Variants in THSD4 observed in about 807,000 individuals in gnomAD.
The protein encoded by THSD4 is thrombospondin type 1 domain containing 4.
Under a neutral mutation model 119.0 loss-of-function variants are expected in THSD4, and 69 were observed. The ratio of observed to expected loss-of-function variants is 0.58; its 90% confidence interval spans 0.48 to 0.71. The LOEUF (loss-of-function observed/expected upper bound fraction) is 0.71, where lower values mean the gene tolerates loss of function less well. THSD4 is among the 30% of genes least tolerant of loss of function. The pLI is 0.00. For synonymous variants in THSD4, 524 were observed against 540.4 expected, an observed-to-expected ratio of 0.97 and a Z score of 0.42; for missense variants, 1,393 against 1,391.1, an observed-to-expected ratio of 1.00 and a Z score of -0.02.
intron 5 of THSD4, among the ~76,000 whole-genome samples, chr15:71,250,683 T>G (rs973794403): frequency 3.3e-5 from 5 of 152,150 alleles, no homozygotes; most frequent in African/African-American, 1.2e-4. Context: ...AAAGAATTCT[T>G]TTTTAGATCT....
At chr15:71,356,487 C>A (rs976785235) in intron 6 of THSD4, among the ~76,000 whole-genome samples, 44 of 152,030 alleles carry the variant, frequency 2.9e-4, no homozygotes, top group African/African-American at 9.9e-4. Flanking sequence ...TGCTGTATCC[C>A]CAGAGTCTAG....
intron 7 of THSD4, among the ~76,000 whole-genome samples, chr15:71,555,960 C>CAT (rs995082709): frequency 6.6e-6 from 1 of 151,932 alleles, no homozygotes; most frequent in African/African-American, 2.4e-5. Context: ...ACCAAGTTTC[C>CAT]ATATATATGT....
chr15:71,728,862 C>A, intron 9 of THSD4, 138 bp downstream of exon 9: 1 of 1,122,338 alleles, frequency 8.9e-7, no homozygotes, highest in Non-Finnish European at 1.3e-6. Flanking sequence ...TGGAGGCACT[C>A]CTTGAATGCT....
At chr15:71,247,379 T>C (rs1001679520) in intron 5 of THSD4, among the ~76,000 whole-genome samples, 10 of 152,186 alleles carry the variant, frequency 6.6e-5, no homozygotes, top group Non-Finnish European at 1.3e-4. Flanking sequence ...TAGGCTGTGG[T>C]TGGAGACACT....
At chr15:71,607,082 A>G (rs1477406265) in intron 7 of THSD4, among the ~76,000 whole-genome samples, 1 of 152,186 alleles carries the variant, frequency 6.6e-6, no homozygotes, top group Non-Finnish European at 1.5e-5. Context: ...TGAAGGAGAT[A>G]CAAATGGAGA....
intron 2 of THSD4, among the ~76,000 whole-genome samples, chr15:71,151,915 C>A (rs1335542075): frequency 1.3e-5 from 2 of 152,108 alleles, no homozygotes; most frequent in East Asian, 3.9e-4. Flanking sequence ...CATTAGCTTC[C>A]TGTGTCTTGA....
chr15:71,268,722 G>T (rs549956410), intron 6 of THSD4, among the ~76,000 whole-genome samples: 2 of 144,794 alleles, frequency 1.4e-5, no homozygotes, highest in African/African-American at 5.1e-5. Context: ...CAGCTAGCCA[G>T]ACTAATAAAG....
chr15:71,103,516 T>C (rs888575945), intron 1 of THSD4, among the ~76,000 whole-genome samples: 3 of 152,162 alleles, frequency 2.0e-5, no homozygotes, highest in African/African-American at 7.2e-5. Flanking sequence ...GTGAGCAAGC[T>C]TGGGCTTCAG....
intron 7 of THSD4, among the ~76,000 whole-genome samples, chr15:71,502,790 C>T (rs1236082944): frequency 6.6e-6 from 1 of 152,138 alleles, no homozygotes; most frequent in Non-Finnish European, 1.5e-5. Context: ...TAGGAAATGT[C>T]TTAAGTGAGA....
chr15:71,284,739 T>C (rs2044695595), intron 6 of THSD4, among the ~76,000 whole-genome samples: 1 of 152,146 alleles, frequency 6.6e-6, no homozygotes, highest in South Asian at 2.1e-4. Flanking sequence ...AAGAAAAAAG[T>C]TTCCTAAATA....
chr15:71,776,557 A>G (rs1012797095), intron 17 of THSD4, among the ~76,000 whole-genome samples: 3 of 152,234 alleles, frequency 2.0e-5, no homozygotes, highest in African/African-American at 7.2e-5. Flanking sequence ...TTTCACTGAC[A>G]GGAACATAAA....
At chr15:71,695,289 C>T (rs1467814067) in intron 8 of THSD4, among the ~76,000 whole-genome samples, 1 of 152,068 alleles carries the variant, frequency 6.6e-6, no homozygotes, top group Non-Finnish European at 1.5e-5. Context: ...TCCTTTAAGC[C>T]TCTCTAATCT....
At chr15:71,495,742 G>A (rs932468252) in intron 7 of THSD4, among the ~76,000 whole-genome samples, 3 of 152,150 alleles carry the variant, frequency 2.0e-5, no homozygotes, top group Non-Finnish European at 2.9e-5. Flanking sequence ...GTCTAAAAAC[G>A]CTTAATCCCA....
chr15:71,562,990 C>T (rs1595887578), intron 7 of THSD4, among the ~76,000 whole-genome samples: 1 of 152,148 alleles, frequency 6.6e-6, no homozygotes, highest in East Asian at 1.9e-4. Context: ...TTTAAATGCC[C>T]TTTGCTGTAT....
chr15:71,267,415 G>A (rs2044476330), intron 6 of THSD4, among the ~76,000 whole-genome samples: 1 of 151,370 alleles, frequency 6.6e-6, no homozygotes, highest in African/African-American at 2.4e-5. Flanking sequence ...CAAATGCTGA[G>A]AGATTTTGTC....
intron 3 of THSD4, among the ~76,000 whole-genome samples, chr15:71,193,492 G>T (rs572619129): frequency 6.6e-6 from 1 of 152,122 alleles, no homozygotes; most frequent in African/African-American, 2.4e-5. Context: ...CTTGGACTGT[G>T]GTTCCAGGCC....
At chr15:71,379,135 T>C (rs1022379199) in intron 6 of THSD4, among the ~76,000 whole-genome samples, 24 of 152,126 alleles carry the variant, frequency 1.6e-4, no homozygotes, top group Non-Finnish European at 1.6e-4. Context: ...TTTTTAAGGC[T>C]TCTGCTCCAG....
intron 3 of THSD4, among the ~76,000 whole-genome samples, chr15:71,204,573 T>A (rs961663709): frequency 1.3e-5 from 2 of 152,012 alleles, no homozygotes; most frequent in African/African-American, 4.8e-5. Context: ...ACCAGCTCAG[T>A]TTACTGATAT....
At chr15:71,308,789 A>T (rs1436197512) in intron 6 of THSD4, among the ~76,000 whole-genome samples, 1 of 152,200 alleles carries the variant, frequency 6.6e-6, no homozygotes, top group Non-Finnish European at 1.5e-5. Flanking sequence ...GGATAACTCC[A>T]CAGTTACCTT....
Sources: gnomAD v4.1 joint callset for allele counts (sites outside exome capture counted in the v4.1 genomes callset) on GRCh38, gnomAD v4.1.1 for gene constraint, MANE v1.5 for transcripts, NCBI Gene and HGNC (gene_info 2026-07-23, HGNC 2026-07-21) for gene names.